The following EPHA10 variants were observed in gnomAD, a reference collection of about 807,000 sequenced individuals.
The protein encoded by EPHA10 is EPH receptor A10.
Under a neutral mutation model 109.7 loss-of-function variants are expected in EPHA10, and 120 were observed. That is an observed-to-expected ratio of 1.09 (90% CI 0.94 to 1.27). EPHA10 has a LOEUF of 1.27. Among genes scored for constraint, EPHA10 ranks in the 50% most tolerant of loss-of-function variants. The probability of loss-of-function intolerance (pLI) is 0.00; values close to 1 mark genes in which losing one functional copy is unlikely to be tolerated. For synonymous variants in EPHA10, 640 were observed against 618.9 expected, an observed-to-expected ratio of 1.03 and a Z score of -0.51; for missense variants, 1,396 against 1,411.1, an observed-to-expected ratio of 0.99 and a Z score of 0.17.
At chr1:37,720,175 G>T in intron 13 of EPHA10, 117 bp from the exon 14 acceptor site, 1 of 1,451,320 alleles carries the variant, frequency 6.9e-7, no homozygotes, top group Non-Finnish European at 9.3e-7. Flanking sequence ...CCCAACTCCA[G>T]CTTCACATCT....
intron 5 of EPHA10, among the ~76,000 whole-genome samples, chr1:37,746,028 C>T (rs1056858247): frequency 2.0e-5 from 3 of 151,926 alleles, no homozygotes; most frequent in Non-Finnish European, 4.4e-5. Flanking sequence ...TGTATTCTCA[C>T]GTGGCCTTTC....
Position 37,754,066 on chromosome 1 carries a change from T to TTCCGGGGCGCCTTCCGGG in EPHA10, c.1006+148_1006+149insCCCGGAAGGCGCCCCGGA. ...GGCGCGTCCAGGCTCCGCTCCCCCG[T>TTCCGGGGCGCCTTCCGGG]ACGCCGCCTTCCGGGGCGCTGGCCC... On this transcript the variant is annotated intron_variant, in intron 4 of 16. Transcript: ENST00000373048. This position sits in a 1 kb window ranked among gnomAD's most constrained non-coding sequence, Gnocchi z 4.5. 1.1e-6 allele frequency: 1 copy of TTCCGGGGCGCCTTCCGGG among 917,746 alleles called. No individual in the cohort carries two copies. Among genetic ancestry groups the TTCCGGGGCGCCTTCCGGG allele is most frequent in the Non-Finnish European group, 1.4e-6 (1 of 699,382 alleles). The allele number at this position is 917,746 out of a possible 1,614,324, so 56.9% of individuals were successfully genotyped here.
chr1:37,721,781 GGCTACGAGCA>G lies in EPHA10; in HGVS notation c.2015_2024del (p.Leu672ProfsTer5), dbSNP rs1557530916. 1 of 1,611,408 alleles carries G rather than the reference GGCTACGAGCA, an allele frequency of 6.2e-7. No homozygotes were observed. Among genetic ancestry groups the G allele is most frequent in the South Asian group, 1.1e-5 (1 of 90,906 alleles). On this transcript the variant is annotated frameshift_variant, in exon 11 of 17. Transcript: ENST00000373048. LOFTEE classifies it high-confidence loss of function. The stretch of plus-strand genomic sequence containing the variant: ...AGGCGCTGTCCCTCAGCATATGCAC[GGCTACGAGCA>G]GCTCCTGGCGACCGGGGAGCTGCAA...
chr1:37,757,289 C>T (rs1646398291), intron 3 of EPHA10, among the ~76,000 whole-genome samples: 1 of 152,298 alleles, frequency 6.6e-6, no homozygotes, highest in East Asian at 1.9e-4. Context: ...TTCTATTCCC[C>T]CACTTATCCA....
At chr1:37,757,299 A>G (rs1646398369) in intron 3 of EPHA10, among the ~76,000 whole-genome samples, 2 of 152,146 alleles carry the variant, frequency 1.3e-5, no homozygotes, top group African/African-American at 4.8e-5. Flanking sequence ...CCACTTATCC[A>G]TCTACTTTTA....
At position 37,720,519 on chromosome 1, in the gene EPHA10, C is replaced by T; in HGVS notation, c.2244G>A (p.Met748Ile). 1 of 1,612,666 alleles carries T rather than the reference C, an allele frequency of 6.2e-7. No individual in the cohort carries two copies. Among genetic ancestry groups the T allele is most frequent in the Non-Finnish European group, 8.5e-7 (1 of 1,179,692 alleles). Residue 748 changes from methionine (M) to isoleucine (I), a missense_variant, in exon 13 of 17, where the codon ATG (methionine) becomes ATA (isoleucine). Physicochemically the swap from Met to Ile is conservative, Grantham distance 10. Transcript: ENST00000373048. ...HEGQLVAGQL[M>I]GLLPGLASAM... ...CTGATGCCAGCCCAGGCAGCAACCC[C>T]ATCAGTTGCCCAGCCACCAGCTGCC...
chr1:37,737,400 T>C (rs553283281), intron 5 of EPHA10, among the ~76,000 whole-genome samples: 14 of 152,182 alleles, frequency 9.2e-5, no homozygotes, highest in Non-Finnish European at 1.8e-4. Context: ...CAAAGCAATA[T>C]GGTACAGACA....
At chr1:37,743,628 A>G (rs779552102) in intron 5 of EPHA10, among the ~76,000 whole-genome samples, 9 of 151,970 alleles carry the variant, frequency 5.9e-5, no homozygotes, top group Non-Finnish European at 1.0e-4. Flanking sequence ...AAGCAATACA[A>G]CCATTCTATT....
rs760286248 is a variant in EPHA10 at position 37,721,729 on chromosome 1, C to T, written c.2077G>A (p.Ala693Thr). 1.2e-6 allele frequency: 2 copies of T among 1,612,362 alleles called. No homozygotes were observed. The highest frequency in any genetic ancestry group is 1.7e-6 in the Non-Finnish European group (2 of 1,179,812). Reference protein sequence around the residue: ...ASDSQRLGFLAEALTLGQFDH... With the variant: ...ASDSQRLGFLTEALTLGQFDH... ...AACTGGCCCAGCGTGAGGGCCTCGG[C>T]CAGGAAGCCGAGCCTCTGTGAGTCG... Residue 693 changes from alanine (A) to threonine (T), a missense_variant, in exon 11 of 17, where the codon GCC becomes ACC. Physicochemically the swap from Ala to Thr is moderately conservative, Grantham distance 58. Transcript: ENST00000373048.
intron 5 of EPHA10, 104 bp downstream of exon 5, chr1:37,752,772 G>GGGGT (rs1348552318): frequency 8.6e-6 from 6 of 697,476 alleles, no homozygotes; most frequent in Admixed American, 5.4e-5. Context: ...TGGCTTCTCT[G>GGGGT]GGGTGGGTGG....
intron 6 of EPHA10, among the ~76,000 whole-genome samples, chr1:37,733,765 G>C (rs1007739270): frequency 2.0e-5 from 3 of 151,760 alleles, no homozygotes; most frequent in African/African-American, 7.3e-5. Context: ...CCTGGCAGCA[G>C]CTACTGTCTC....
intron 5 of EPHA10, among the ~76,000 whole-genome samples, chr1:37,750,458 G>T (rs956390110): frequency 3.4e-5 from 2 of 58,536 alleles, no homozygotes; most frequent in Non-Finnish European, 8.2e-5. Context: ...AGCTCAAAAG[G>T]ATAAGGGAAG....
intron 10 of EPHA10, 111 bp from the exon 11 acceptor site, chr1:37,721,956 C>T (rs912128160): frequency 1.8e-6 from 2 of 1,091,136 alleles, no homozygotes; most frequent in Admixed American, 3.4e-5. Flanking sequence ...CATGGCGAAA[C>T]CCAGTCTCTA....
chr1:37,723,059 C>T lies in EPHA10; in HGVS notation c.1942G>A (p.Glu648Lys), dbSNP rs775959657. Residue 648 changes from glutamate to lysine, a missense_variant, in exon 10 of 17, where the codon GAG becomes AAG. By Grantham distance (56) the Glu-to-Lys change is moderately conservative. Transcript: ENST00000373048. ...KELDAKSVTL[E>K]RSLGGGRFGE... ...AGCTTGCCTCCTCCAAGGCTCCTCT[C>T]CAGCGTGACGCTTTTCGCATCCAGT... 6 of 1,614,186 alleles carry T rather than the reference C, an allele frequency of 3.7e-6. No homozygotes were observed. Among genetic ancestry groups the T allele is most frequent in the South Asian group, 1.1e-5 (1 of 91,084 alleles).
chr1:37,764,961 C>A lies in EPHA10; in HGVS notation c.106G>T (p.Val36Phe). The A allele has an allele frequency of 6.2e-7, 1 of 1,604,684 alleles. No homozygotes were observed. Among genetic ancestry groups the A allele is most frequent in the East Asian group, 2.2e-5 (1 of 44,600 alleles). Residue 36 changes from valine (V) to phenylalanine (F), a missense_variant and splice_region_variant, in exon 1 of 17, where the codon GTT (valine) becomes TTT (phenylalanine). Val to Phe is a conservative substitution (Grantham distance 50). Transcript: ENST00000373048. This position sits in a 1 kb window ranked among gnomAD's most constrained non-coding sequence, Gnocchi z 5.8. ...GPWRPGTAEE[V>F]ILLDSKASQA... Reference sequence around the variant, plus strand: ...GAGCAGAGCTCACCAGTCTTCTCACCTTCCTCGGCGGTCCCAGGCCGCCAG... The same window carrying A: ...GAGCAGAGCTCACCAGTCTTCTCACATTCCTCGGCGGTCCCAGGCCGCCAG...
At chr1:37,733,916 A>G (rs1196084053) in intron 6 of EPHA10, among the ~76,000 whole-genome samples, 1 of 152,110 alleles carries the variant, frequency 6.6e-6, no homozygotes, top group Non-Finnish European at 1.5e-5. Flanking sequence ...GAGCAAAACC[A>G]GGTTCATCAC....
Position 37,764,330 on chromosome 1 carries a change from C to T in EPHA10, c.106+631G>A, listed in dbSNP as rs1459770203. On this transcript the variant is annotated intron_variant, in intron 1 of 16. Coordinates refer to ENST00000373048, the MANE Select transcript of EPHA10 (RefSeq NM_001099439.2). This position sits in a 1 kb window ranked among gnomAD's most constrained non-coding sequence, Gnocchi z 5.8. ...CTCCGGATTCTGCACCTAGATATGACGCCTCTGGATTCAACTGAGCGTATA... is the reference window on the plus strand; with the variant it reads ...CTCCGGATTCTGCACCTAGATATGATGCCTCTGGATTCAACTGAGCGTATA... Among the ~76,000 whole-genome samples the T allele has an allele frequency of 6.6e-6, 1 of 152,214 alleles. No homozygotes were observed. The highest frequency in any genetic ancestry group is 1.5e-5 in the Non-Finnish European group (1 of 68,032).
At chr1:37,730,695 CCTT>C (rs1221646461) in intron 7 of EPHA10, among the ~76,000 whole-genome samples, 6 of 151,972 alleles carry the variant, frequency 3.9e-5, no homozygotes, top group Non-Finnish European at 8.8e-5. Context: ...GTTACACAAT[CCTT>C]CTTTTTTTTT....
At position 37,760,568 on chromosome 1, in the gene EPHA10, C is replaced by A. The variant is rs530400742; in HGVS notation, c.850+837G>T. On this transcript the variant is annotated intron_variant, in intron 3 of 16. Transcript: ENST00000373048. The stretch of plus-strand genomic sequence containing the variant: ...GCCTCTAACTTGCAAGTATTTGGTC[C>A]GTGACTGGGAGATTCCTCTCTGTAA... 18 of 482,444 alleles carry A rather than the reference C, an allele frequency of 3.7e-5. No homozygotes were observed. In the South Asian group the frequency reaches 3.8e-4, roughly 10 times the overall value. The allele number at this position is 482,444 out of a possible 1,614,324, so 29.9% of individuals were successfully genotyped here.
Sources: gnomAD v4.1 joint callset for allele counts (sites outside exome capture counted in the v4.1 genomes callset) on GRCh38, gnomAD v4.1.1 for gene constraint, Gnocchi (gnomAD v3.1) non-coding constraint, MANE v1.5 for transcripts, NCBI Gene and HGNC (gene_info 2026-07-23, HGNC 2026-07-21) for gene names.